Variants in KCNH5 observed in about 807,000 individuals in gnomAD.
KCNH5 encodes the protein voltage-gated delayed rectifier potassium channel KCNH5.
A neutral mutation model predicts 96.1 loss-of-function variants in KCNH5; 46 were observed. The observed-to-expected ratio is 0.48, with a 90% CI of 0.38 to 0.61. The LOEUF (loss-of-function observed/expected upper bound fraction) is 0.61. Ranked by LOEUF, KCNH5 falls within the 20% of genes least tolerant of loss-of-function variation. KCNH5 has a pLI of 0.00. For synonymous variants in KCNH5, 439 were observed against 449.8 expected (o/e 0.98, Z 0.30); for missense variants, 907 against 1,225.8 (o/e 0.74, Z 3.88).
At chr14:62,900,355 T>C (rs1268442240) in intron 7 of KCNH5, among the ~76,000 whole-genome samples, 1 of 152,218 alleles carries the variant, frequency 6.6e-6, no homozygotes, top group African/African-American at 2.4e-5. Flanking sequence ...GCTTAACCAA[T>C]GAATAGCTTA....
intron 8 of KCNH5, among the ~76,000 whole-genome samples, chr14:62,829,071 A>T (rs243155): frequency 0.43 from 65,315 of 151,870 alleles, 14,636 homozygotes; most frequent in South Asian, 0.59. Flanking sequence ...CTCAAAAATA[A>T]TCTCCTTTGA....
chr14:62,743,839 T>C (rs566778122), intron 10 of KCNH5, among the ~76,000 whole-genome samples: 14 of 152,276 alleles, frequency 9.2e-5, no homozygotes, highest in African/African-American at 3.1e-4. Context: ...ATTTGCTGAA[T>C]GACAAGAAAG....
intron 9 of KCNH5, 93 bp from the exon 10 acceptor site, chr14:62,780,017 C>A (rs1886177203): frequency 1.1e-5 from 11 of 1,036,994 alleles, no homozygotes; most frequent in Non-Finnish European, 1.2e-5. Context: ...TATTGACCTT[C>A]TAGCATAATT....
chr14:62,761,626 T>C (rs1490778036), intron 10 of KCNH5, among the ~76,000 whole-genome samples: 1 of 152,112 alleles, frequency 6.6e-6, no homozygotes, highest in Non-Finnish European at 1.5e-5. Flanking sequence ...AAAAATACAT[T>C]GTAATACAAG....
intron 1 of KCNH5, among the ~76,000 whole-genome samples, chr14:63,030,083 C>T (rs778846981): frequency 6.6e-6 from 1 of 152,126 alleles, no homozygotes; most frequent in Non-Finnish European, 1.5e-5. Flanking sequence ...GACCATCACC[C>T]ATTCTTATCA....
intron 10 of KCNH5, among the ~76,000 whole-genome samples, chr14:62,739,962 G>A (rs541630912): frequency 3.3e-5 from 5 of 152,240 alleles, no homozygotes; most frequent in African/African-American, 1.2e-4. Flanking sequence ...GATGATTTTG[G>A]AGGGTAGGGA....
Position 62,735,380 on chromosome 14 carries a change from G to A in KCNH5, c.2020-26925C>T, listed in dbSNP as rs145986707. On this transcript the variant is annotated intron_variant, in intron 10 of 10. Transcript: ENST00000322893. Reference sequence around the variant, plus strand: ...GCAAGGCAAGGCTATTCAGGAACATGTGAGATACCCTAGAAACCCCTTGAA... The same window carrying A: ...GCAAGGCAAGGCTATTCAGGAACATATGAGATACCCTAGAAACCCCTTGAA... Among the ~76,000 whole-genome samples the A allele has an allele frequency of 6.6e-5, 10 of 152,268 alleles. No individual in the cohort carries two copies. The East Asian group carries it at 1.2e-3, about 18-fold the overall frequency.
chr14:62,889,521 G>A (rs1441384612), intron 7 of KCNH5, among the ~76,000 whole-genome samples: 2 of 152,296 alleles, frequency 1.3e-5, no homozygotes, highest in Non-Finnish European at 2.9e-5. Flanking sequence ...TGCAGTAGTC[G>A]AGAGAGCAGC....
chr14:62,799,127 CAT>C (rs1022350976), intron 9 of KCNH5, among the ~76,000 whole-genome samples: 4 of 152,090 alleles, frequency 2.6e-5, no homozygotes, highest in Admixed American at 6.6e-5. Context: ...ACAACTAAGA[CAT>C]AACAATCATA....
At chr14:62,781,155 T>A (rs1886203469) in intron 9 of KCNH5, among the ~76,000 whole-genome samples, 1 of 152,082 alleles carries the variant, frequency 6.6e-6, no homozygotes, top group African/African-American at 2.4e-5. Context: ...AGGGGAGACA[T>A]CACATGTTGG....
intron 10 of KCNH5, among the ~76,000 whole-genome samples, chr14:62,753,148 G>T (rs1458369176): frequency 6.6e-6 from 1 of 152,020 alleles, no homozygotes; most frequent in African/African-American, 2.4e-5. Flanking sequence ...ATTTAACAGA[G>T]AAATTTAAAA....
intron 10 of KCNH5, among the ~76,000 whole-genome samples, chr14:62,766,121 T>TATA (rs1885853951): frequency 1.3e-5 from 2 of 152,028 alleles, no homozygotes; most frequent in African/African-American, 4.8e-5. Flanking sequence ...AAATAAAAAC[T>TATA]ATAATGAGTT....
At chr14:62,935,711 T>C (rs1889667175) in intron 7 of KCNH5, among the ~76,000 whole-genome samples, 1 of 152,182 alleles carries the variant, frequency 6.6e-6, no homozygotes, top group African/African-American at 2.4e-5. Context: ...ATTGAGACAC[T>C]GTGCCAGTTT....
At chr14:63,032,050 G>A (rs1321228289) in intron 1 of KCNH5, among the ~76,000 whole-genome samples, 3 of 146,918 alleles carry the variant, frequency 2.0e-5, no homozygotes, top group Non-Finnish European at 4.5e-5. Context: ...AAATTTTAGA[G>A]TACTGAGGAA....
chr14:62,802,154 T>G (rs1886674902), intron 9 of KCNH5, among the ~76,000 whole-genome samples, 175 bp downstream of exon 9: 1 of 152,238 alleles, frequency 6.6e-6, no homozygotes, highest in African/African-American at 2.4e-5. Flanking sequence ...TTGTGACTGA[T>G]ACTAATGTTC....
At chr14:63,024,060 T>A (rs916944072) in intron 1 of KCNH5, among the ~76,000 whole-genome samples, 2 of 151,772 alleles carry the variant, frequency 1.3e-5, no homozygotes, top group Non-Finnish European at 2.9e-5. Flanking sequence ...AATACAAAAA[T>A]TAGCTGGGCA....
chr14:62,746,086 AT>A (rs1291454560), intron 10 of KCNH5, among the ~76,000 whole-genome samples: 1 of 152,172 alleles, frequency 6.6e-6, no homozygotes, highest in Non-Finnish European at 1.5e-5. Flanking sequence ...AGAAGTGTGA[AT>A]TCATCAAATG....
At chr14:62,785,788 T>C (rs991227553) in intron 9 of KCNH5, among the ~76,000 whole-genome samples, 6 of 152,224 alleles carry the variant, frequency 3.9e-5, no homozygotes, top group Admixed American at 3.3e-4. Context: ...TATGGTATGC[T>C]TAGGGATTAT....
chr14:62,985,672 T>C (rs930219972), intron 5 of KCNH5, among the ~76,000 whole-genome samples: 2 of 151,992 alleles, frequency 1.3e-5, no homozygotes, highest in Non-Finnish European at 2.9e-5. Flanking sequence ...TCTGTCCTCA[T>C]TTTTTTTCTC....
Sources: allele counts gnomAD v4.1 joint callset (sites outside exome capture counted in the v4.1 genomes callset), GRCh38; gene constraint gnomAD v4.1.1; transcripts MANE v1.5; gene names NCBI Gene and HGNC (gene_info 2026-07-23, HGNC 2026-07-21).